The following KLHL1 variants were observed in gnomAD, a reference collection of about 807,000 sequenced individuals.
The protein encoded by KLHL1 is kelch like family member 1.
In KLHL1, 47 loss-of-function variants were observed where a neutral mutation model predicts 77.7. The ratio of observed to expected loss-of-function variants is 0.60; its 90% CI spans 0.48 to 0.77. KLHL1 has a LOEUF of 0.77. Among genes scored for constraint, KLHL1 ranks in the 30% least tolerant of loss-of-function variants. The probability of loss-of-function intolerance (pLI) is 0.00; values close to 1 mark genes in which losing one functional copy is unlikely to be tolerated. For synonymous variants in KLHL1, 360 were observed against 325.2 expected, an observed-to-expected ratio of 1.11 and a Z score of -1.15; for missense variants, 925 against 910.8, an observed-to-expected ratio of 1.02 and a Z score of -0.20.
chr13:69,879,530 C>G (rs1048237481), intron 5 of KLHL1, among the ~76,000 whole-genome samples: 11 of 151,926 alleles, frequency 7.2e-5, no homozygotes, highest in African/African-American at 2.4e-4. Flanking sequence ...ATTAATCATT[C>G]GAAAAAAAGC....
At chr13:69,874,156 C>A (rs1310589738) in intron 5 of KLHL1, among the ~76,000 whole-genome samples, 1 of 152,034 alleles carries the variant, frequency 6.6e-6, no homozygotes, top group Non-Finnish European at 1.5e-5. Context: ...TAAAAATTAT[C>A]TCTAGACTAT....
chr13:70,008,643 A>G (rs1169883771), intron 1 of KLHL1, among the ~76,000 whole-genome samples: 3 of 152,212 alleles, frequency 2.0e-5, no homozygotes, highest in East Asian at 1.9e-4. Flanking sequence ...ACAACCCACA[A>G]TTATTCTCCT....
chr13:69,753,411 C>G (rs1332158156), intron 7 of KLHL1, among the ~76,000 whole-genome samples: 1 of 152,084 alleles, frequency 6.6e-6, no homozygotes, highest in African/African-American at 2.4e-5. Context: ...CTGGCTCCAG[C>G]CTTTAGGACC....
intron 8 of KLHL1, among the ~76,000 whole-genome samples, chr13:69,730,443 G>A (rs1202081054): frequency 6.6e-6 from 1 of 151,876 alleles, no homozygotes; most frequent in Non-Finnish European, 1.5e-5. Context: ...CAATGTAAAT[G>A]GTAAGAAAAA....
At chr13:70,096,402 TA>T (rs768220212) in intron 1 of KLHL1, among the ~76,000 whole-genome samples, 1 of 152,048 alleles carries the variant, frequency 6.6e-6, no homozygotes, top group African/African-American at 2.4e-5. Flanking sequence ...GGGGTGAGAT[TA>T]TATCTCATTA....
At chr13:69,705,877 G>C (rs1454796571) in intron 10 of KLHL1, among the ~76,000 whole-genome samples, 2 of 151,520 alleles carry the variant, frequency 1.3e-5, no homozygotes, top group Non-Finnish European at 3.0e-5. Flanking sequence ...AATTTTAGAG[G>C]ATGATAAGCA....
chr13:69,715,583 C>G (rs568560633), intron 9 of KLHL1, among the ~76,000 whole-genome samples: 1 of 151,404 alleles, frequency 6.6e-6, no homozygotes, highest in Non-Finnish European at 1.5e-5. Flanking sequence ...TGCAGTGGCG[C>G]GATCTCGGCT....
At chr13:70,075,569 G>GTATATA (rs1555295388) in intron 1 of KLHL1, among the ~76,000 whole-genome samples, 15 of 106,662 alleles carry the variant, frequency 1.4e-4, no homozygotes, top group African/African-American at 2.9e-4. Context: ...GTGTGTATGT[G>GTATATA]TATATATATA....
chr13:69,837,612 C>A lies in KLHL1; in HGVS notation c.1414+1364G>T, dbSNP rs569831981. On this transcript the variant is annotated intron_variant, in intron 6 of 10. Transcript: ENST00000377844. The stretch of plus-strand genomic sequence containing the variant: ...TATATATATACACATACATCTCTCT[C>A]TCTATATATATGTGTGTGTATATAT... Among the ~76,000 whole-genome samples, 468 of 139,918 alleles carry A rather than the reference C, an allele frequency of 3.3e-3. 15 individuals are homozygous for A. The highest frequency in any genetic ancestry group is 0.013 in the African/African-American group (450 of 35,808). The allele number at this position is 139,918 out of a possible 152,430, so 91.8% of individuals were successfully genotyped here. A position where few individuals can be genotyped will look rare whatever the true frequency, so the allele number is the denominator to read the frequency against.
At chr13:70,052,745 G>T (rs934773400) in intron 1 of KLHL1, among the ~76,000 whole-genome samples, 1 of 151,738 alleles carries the variant, frequency 6.6e-6, no homozygotes, top group Middle Eastern at 3.4e-3. Flanking sequence ...TCTCTCACAT[G>T]CACATACATA....
chr13:69,711,202 G>A (rs1283116150), intron 9 of KLHL1, among the ~76,000 whole-genome samples: 4 of 152,000 alleles, frequency 2.6e-5, no homozygotes, highest in Non-Finnish European at 5.9e-5. Flanking sequence ...AATTGAGAAT[G>A]TTTCTTTTCC....
intron 6 of KLHL1, among the ~76,000 whole-genome samples, chr13:69,797,602 G>T (rs1348558129): frequency 6.6e-6 from 1 of 151,322 alleles, no homozygotes; most frequent in Non-Finnish European, 1.5e-5. Flanking sequence ...GGATCACAAG[G>T]TCAGGAGATC....
rs904302817 is a variant in KLHL1, at chr13:69,836,813, C to T, written c.1414+2163G>A. On this transcript the variant is annotated intron_variant, in intron 6 of 10. Transcript: ENST00000377844. ...AATAAAGAAAATGACAGGATTGTAC[C>T]ATAGGCTGTTACTACTGACCAAACA... Among the ~76,000 whole-genome samples, 5 of 151,272 alleles carry T rather than the reference C, an allele frequency of 3.3e-5. No individual in the cohort carries two copies. The East Asian group carries it at 7.8e-4, about 24-fold the overall frequency.
chr13:69,943,132 T>C (rs114931039), intron 3 of KLHL1, among the ~76,000 whole-genome samples: 2,338 of 152,170 alleles, frequency 0.015, 61 homozygotes, highest in African/African-American at 0.053. Context: ...TAGGTGATCT[T>C]GTACCCTGCT....
intron 4 of KLHL1, among the ~76,000 whole-genome samples, chr13:69,934,139 T>C (rs551557269): frequency 2.6e-5 from 4 of 152,244 alleles, no homozygotes; most frequent in Admixed American, 2.6e-4. Context: ...AAATTTAATA[T>C]ATTTAACACC....
intron 7 of KLHL1, among the ~76,000 whole-genome samples, chr13:69,789,460 C>A (rs9564615): frequency 0.37 from 56,237 of 151,598 alleles, 10,643 homozygotes; most frequent in African/African-American, 0.44. Context: ...TTCCTTGTAA[C>A]GTGATGTGAA....
chr13:70,016,480 T>C (rs1174299682), intron 1 of KLHL1, among the ~76,000 whole-genome samples: 1 of 152,220 alleles, frequency 6.6e-6, no homozygotes, highest in Non-Finnish European at 1.5e-5. Context: ...CTGCTCCTGG[T>C]GCCAACTATG....
chr13:70,065,441 G>A (rs1162605463), intron 1 of KLHL1, among the ~76,000 whole-genome samples: 1 of 152,048 alleles, frequency 6.6e-6, no homozygotes, highest in East Asian at 1.9e-4. Context: ...CAATAGAGTG[G>A]GGAGATATGG....
intron 8 of KLHL1, among the ~76,000 whole-genome samples, chr13:69,720,206 ATTATT>A (rs1432831365): frequency 6.6e-6 from 1 of 152,112 alleles, no homozygotes; most frequent in Non-Finnish European, 1.5e-5. Flanking sequence ...TCTTGCTATA[ATTATT>A]TTATTAATGA....
Sources: gnomAD v4.1 joint callset for allele counts (sites outside exome capture counted in the v4.1 genomes callset) on GRCh38, gnomAD v4.1.1 for gene constraint, MANE v1.5 for transcripts, NCBI Gene and HGNC (gene_info 2026-07-23, HGNC 2026-07-21) for gene names.